CNTN5: variants seen among roughly 807,000 people sequenced by gnomAD.
The protein encoded by CNTN5 is contactin-5.
Under a neutral mutation model 129.1 loss-of-function variants are expected in CNTN5, and 77 were observed. That is an observed-to-expected ratio of 0.60 (90% CI 0.50 to 0.72). The LOEUF (loss-of-function observed/expected upper bound fraction) is 0.72, where lower values mean the gene tolerates loss of function less well. Among genes scored for constraint, CNTN5 ranks in the 30% least tolerant of loss-of-function variants. The probability of loss-of-function intolerance (pLI) is 0.00; values close to 1 mark genes in which losing one functional copy is unlikely to be tolerated. For synonymous variants in CNTN5, 509 were observed against 465.6 expected (o/e 1.09, Z -1.20); for missense variants, 1,478 against 1,328.8 (o/e 1.11, Z -1.75).
chr11:99,852,522 G>A (rs375419351), intron 6 of CNTN5, among the ~76,000 whole-genome samples: 123 of 152,226 alleles, frequency 8.1e-4, no homozygotes, highest in African/African-American at 2.8e-3. Flanking sequence ...AATAAAAGTT[G>A]AAATCTGTTT....
At chr11:100,293,907 G>C (rs914837134) in intron 18 of CNTN5, among the ~76,000 whole-genome samples, 4 of 151,630 alleles carry the variant, frequency 2.6e-5, no homozygotes, top group African/African-American at 9.7e-5. Flanking sequence ...TGTAAACTAA[G>C]CCTGAGTTAG....
At chr11:99,083,263 C>T (rs1259564495) in intron 1 of CNTN5, among the ~76,000 whole-genome samples, 2 of 151,916 alleles carry the variant, frequency 1.3e-5, no homozygotes, top group Non-Finnish European at 2.9e-5. Flanking sequence ...CTCTTCTTTC[C>T]TTTTTTAAAT....
Position 99,637,429 on chromosome 11 carries a change from G to GTTTAT in CNTN5, c.55+81160_55+81161insTTTAT, listed in dbSNP as rs1591399191. Among the ~76,000 whole-genome samples the GTTTAT allele has an allele frequency of 2.0e-5, 3 of 152,064 alleles. No individual in the cohort carries two copies. In the East Asian group the frequency reaches 5.8e-4, roughly 29 times the overall value. ...ATAAACATAAGCAAACACATCACAT[G>GTTTAT]GCAATCATGTACATGTATACATAGA... On this transcript the variant is annotated intron_variant, in intron 3 of 24. Transcript: ENST00000524871.
chr11:99,784,415 T>C (rs1270622490), intron 3 of CNTN5, among the ~76,000 whole-genome samples: 2 of 152,066 alleles, frequency 1.3e-5, no homozygotes, highest in Non-Finnish European at 2.9e-5. Context: ...TGTATGTTCC[T>C]GTGTTAATTT....
chr11:100,187,356 C>A (rs572935296), intron 13 of CNTN5, among the ~76,000 whole-genome samples: 23 of 151,832 alleles, frequency 1.5e-4, no homozygotes, highest in African/African-American at 4.1e-4. Flanking sequence ...ATTAAAATGG[C>A]CATACTTCCC....
chr11:99,115,044 C>A (rs1392561047), intron 1 of CNTN5, among the ~76,000 whole-genome samples: 1 of 152,102 alleles, frequency 6.6e-6, no homozygotes, highest in East Asian at 1.9e-4. Context: ...GAAAAGGGGT[C>A]TTTTTAACCA....
intron 16 of CNTN5, among the ~76,000 whole-genome samples, chr11:100,228,713 G>A (rs1949431093): frequency 6.6e-6 from 1 of 152,168 alleles, no homozygotes; most frequent in South Asian, 2.1e-4. Flanking sequence ...CACTCAGAGT[G>A]GAGAGATGAG....
chr11:99,702,723 T>A (rs141979536), intron 3 of CNTN5, among the ~76,000 whole-genome samples: 1 of 151,074 alleles, frequency 6.6e-6, no homozygotes, highest in East Asian at 1.9e-4. Context: ...TGTCTTTATA[T>A]CCAAGATGTT....
chr11:99,085,214 T>G (rs1318603530), intron 1 of CNTN5, among the ~76,000 whole-genome samples: 1 of 151,414 alleles, frequency 6.6e-6, no homozygotes, highest in African/African-American at 2.4e-5. Flanking sequence ...CCAGCTAATT[T>G]TTGTATTTTT....
At chr11:99,289,143 T>C (rs1182548164) in intron 1 of CNTN5, among the ~76,000 whole-genome samples, 1 of 151,874 alleles carries the variant, frequency 6.6e-6, no homozygotes, top group African/African-American at 2.4e-5. Flanking sequence ...GATGTGATAA[T>C]ACATAAGAAA....
chr11:100,139,558 A>G (rs777545406), intron 13 of CNTN5, among the ~76,000 whole-genome samples: 1 of 152,104 alleles, frequency 6.6e-6, no homozygotes, highest in South Asian at 2.1e-4. Context: ...TCATTAGGGC[A>G]GTTTCAAGAA....
intron 1 of CNTN5, among the ~76,000 whole-genome samples, chr11:99,162,141 T>A (rs1353026121): frequency 6.6e-6 from 1 of 152,102 alleles, no homozygotes; most frequent in African/African-American, 2.4e-5. Flanking sequence ...GAGCGTGGCA[T>A]GGTTGATCTA....
chr11:100,203,799 T>TACACCCACACACACAC (rs373015585), intron 15 of CNTN5, among the ~76,000 whole-genome samples: 1 of 139,100 alleles, frequency 7.2e-6, no homozygotes, highest in African/African-American at 2.7e-5. Flanking sequence ...AATGTGCACG[T>TACACCCACACACACAC]ACACACACAC....
At chr11:100,065,046 A>G (rs926490464) in intron 10 of CNTN5, among the ~76,000 whole-genome samples, 4 of 152,132 alleles carry the variant, frequency 2.6e-5, no homozygotes, top group African/African-American at 9.7e-5. Flanking sequence ...TGACCTCTAG[A>G]CAGTTTATAT....
intron 7 of CNTN5, among the ~76,000 whole-genome samples, chr11:99,925,160 G>T (rs944636189): frequency 6.6e-6 from 1 of 152,160 alleles, no homozygotes; most frequent in Non-Finnish European, 1.5e-5. Context: ...TGGAATTGTG[G>T]TGGTATGCAT....
At chr11:99,757,871 T>C (rs550596858) in intron 3 of CNTN5, among the ~76,000 whole-genome samples, 1 of 152,064 alleles carries the variant, frequency 6.6e-6, no homozygotes, top group African/African-American at 2.4e-5. Flanking sequence ...AGAAATGATA[T>C]TTGTGAATTA....
At chr11:99,919,261 C>A (rs34255464) in intron 7 of CNTN5, among the ~76,000 whole-genome samples, 2,398 of 150,196 alleles carry the variant, frequency 0.016, 31 homozygotes, top group Non-Finnish European at 0.025. Flanking sequence ...ACTTGTGTGG[C>A]GCTGTAGTTC....
In CNTN5 at chr11:100,251,396, C is replaced by T. The variant is rs138946896; in HGVS notation, c.2006-4364C>T. On this transcript the variant is annotated intron_variant, in intron 16 of 24. Coordinates refer to ENST00000524871, the MANE Select transcript of CNTN5 (RefSeq NM_014361.4). ...AGATCAAGGTAATTAGCATATTCAT[C>T]ATCTTAAACATTTATCTTTTCTTTG... 7.3e-3 allele frequency among the ~76,000 whole-genome samples: 1,109 copies of T among 152,174 alleles called. 16 individuals are homozygous for T. Among genetic ancestry groups the T allele is most frequent in the African/African-American group, 0.025 (1,037 of 41,540 alleles).
At chr11:99,717,317 A>G (rs1299668168) in intron 3 of CNTN5, among the ~76,000 whole-genome samples, 2 of 152,076 alleles carry the variant, frequency 1.3e-5, no homozygotes, top group African/African-American at 4.8e-5. Context: ...ATAGATTAAT[A>G]ATGATCACAG....
Sources: gnomAD v4.1 joint callset for allele counts (sites outside exome capture counted in the v4.1 genomes callset) on GRCh38, gnomAD v4.1.1 for gene constraint, MANE v1.5 for transcripts, NCBI Gene and HGNC (gene_info 2026-07-23, HGNC 2026-07-21) for gene names.